CNTNAP2: variants seen among roughly 807,000 people sequenced by gnomAD.
The protein encoded by CNTNAP2 is contactin-associated protein-like 2.
Under a neutral mutation model 155.2 loss-of-function variants are expected in CNTNAP2, and 98 were observed. That is an observed-to-expected ratio of 0.63 (90% CI 0.54 to 0.75). The LOEUF is 0.75. Ranked by LOEUF, CNTNAP2 falls within the 30% of genes least tolerant of loss-of-function variation. CNTNAP2 has a pLI of 0.00. For missense variants in CNTNAP2, 1,727 were observed against 1,688.1 expected (o/e 1.02, Z -0.40); for synonymous variants, 651 against 631.2 (o/e 1.03, Z -0.47).
At chr7:148,109,916 G>GACT (rs1804310311) in intron 15 of CNTNAP2, among the ~76,000 whole-genome samples, 1 of 152,136 alleles carries the variant, frequency 6.6e-6, no homozygotes, top group African/African-American at 2.4e-5. Flanking sequence ...CTGGACTAAT[G>GACT]ACCCTTGTCT....
At chr7:146,854,499 G>T (rs1007645217) in intron 3 of CNTNAP2, among the ~76,000 whole-genome samples, 1 of 152,140 alleles carries the variant, frequency 6.6e-6, no homozygotes. Context: ...TAGCTCTCTA[G>T]TACCAAAGAT....
chr7:146,790,232 CA>C (rs1563231735), intron 2 of CNTNAP2, among the ~76,000 whole-genome samples: 2 of 152,084 alleles, frequency 1.3e-5, no homozygotes, highest in African/African-American at 4.8e-5. Flanking sequence ...TTAAGACAAT[CA>C]TTGATGATGG....
chr7:148,081,491 C>T (rs1803602628), intron 15 of CNTNAP2, among the ~76,000 whole-genome samples: 1 of 152,026 alleles, frequency 6.6e-6, no homozygotes, highest in African/African-American at 2.4e-5. Flanking sequence ...GGCCTAGCCT[C>T]CCAGCCTACC....
intron 22 of CNTNAP2, among the ~76,000 whole-genome samples, chr7:148,398,266 AG>A (rs1158898099): frequency 3.3e-5 from 5 of 152,210 alleles, no homozygotes; most frequent in African/African-American, 1.2e-4. Context: ...TGAAAACTTA[AG>A]AATAAAAAGG....
At chr7:147,575,278 G>A (rs191242205) in intron 12 of CNTNAP2, among the ~76,000 whole-genome samples, 11 of 138,568 alleles carry the variant, frequency 7.9e-5, no homozygotes, top group East Asian at 4.5e-4. Flanking sequence ...TTAGGAGTAC[G>A]CATATGTGTG....
At chr7:146,653,611 T>C (rs1799950753) in intron 1 of CNTNAP2, among the ~76,000 whole-genome samples, 1 of 152,210 alleles carries the variant, frequency 6.6e-6, no homozygotes, top group Non-Finnish European at 1.5e-5. Context: ...CATAGTTGAA[T>C]GCTAATATGA....
chr7:147,443,490 T>G (rs1344167849), intron 10 of CNTNAP2, among the ~76,000 whole-genome samples: 1 of 152,128 alleles, frequency 6.6e-6, no homozygotes, highest in Non-Finnish European at 1.5e-5. Flanking sequence ...ACTCTTTCAA[T>G]AATAGGAAGT....
At chr7:146,952,014 G>A (rs547420465) in intron 3 of CNTNAP2, among the ~76,000 whole-genome samples, 121 of 151,988 alleles carry the variant, frequency 8.0e-4, no homozygotes, top group African/African-American at 2.8e-3. Context: ...GATGAACATC[G>A]ACACAAAAAT....
intron 9 of CNTNAP2, among the ~76,000 whole-genome samples, chr7:147,389,792 C>A (rs1796678282): frequency 6.6e-6 from 1 of 152,126 alleles, no homozygotes; most frequent in Non-Finnish European, 1.5e-5. Flanking sequence ...TACAATGACC[C>A]ATGTATAGAC....
intron 13 of CNTNAP2, among the ~76,000 whole-genome samples, chr7:147,740,869 A>T (rs1385358914): frequency 6.6e-6 from 1 of 152,168 alleles, no homozygotes; most frequent in Non-Finnish European, 1.5e-5. Flanking sequence ...AGCAAGAGGG[A>T]GGGCCCAGGC....
intron 21 of CNTNAP2, among the ~76,000 whole-genome samples, chr7:148,358,682 G>C (rs552948195): frequency 2.0e-5 from 3 of 152,136 alleles, no homozygotes; most frequent in Non-Finnish European, 4.4e-5. Flanking sequence ...GCTTTCAAGC[G>C]CGTAATCAGG....
chr7:146,600,956 A>G (rs1383642207), intron 1 of CNTNAP2, among the ~76,000 whole-genome samples: 1 of 152,060 alleles, frequency 6.6e-6, no homozygotes, highest in African/African-American at 2.4e-5. Context: ...TGAATAATGA[A>G]CTCCCTCTTG....
At chr7:147,061,866 G>C (rs2129262577) in intron 4 of CNTNAP2, among the ~76,000 whole-genome samples, 1 of 152,206 alleles carries the variant, frequency 6.6e-6, no homozygotes. Flanking sequence ...CGGGCACGGT[G>C]GCTCACGCCT....
At chr7:148,414,982 G>A (rs969616262) in intron 23 of CNTNAP2, 11 of 279,230 alleles carry the variant, frequency 3.9e-5, no homozygotes, top group African/African-American at 1.7e-4. Context: ...TCTCTCGCGC[G>A]CCCACTCTAT....
At chr7:146,550,945 C>A (rs376649593) in intron 1 of CNTNAP2, among the ~76,000 whole-genome samples, 5 of 151,882 alleles carry the variant, frequency 3.3e-5, no homozygotes, top group African/African-American at 1.2e-4. Flanking sequence ...GGTTTATAAG[C>A]AGGAGGGAAA....
chr7:147,025,172 G>T (rs1291584052), intron 3 of CNTNAP2, among the ~76,000 whole-genome samples: 1 of 148,650 alleles, frequency 6.7e-6, no homozygotes, highest in Non-Finnish European at 1.5e-5. Flanking sequence ...TGTAATCTCA[G>T]CTACTCCAGA....
chr7:147,492,753 C>T (rs1798632212), intron 11 of CNTNAP2, among the ~76,000 whole-genome samples: 1 of 152,174 alleles, frequency 6.6e-6, no homozygotes, highest in Non-Finnish European at 1.5e-5. Context: ...GGATTTCACT[C>T]ATACTTATAG....
At chr7:146,379,626 C>T (rs1392978336) in intron 1 of CNTNAP2, among the ~76,000 whole-genome samples, 1 of 152,078 alleles carries the variant, frequency 6.6e-6, no homozygotes, top group African/African-American at 2.4e-5. Flanking sequence ...TTCACTCTTC[C>T]TGTGTTAGGA....
chr7:148,286,850 C>T (rs548680896), intron 21 of CNTNAP2, among the ~76,000 whole-genome samples: 24 of 152,194 alleles, frequency 1.6e-4, no homozygotes, highest in African/African-American at 5.5e-4. Flanking sequence ...TTTCCATATA[C>T]TCCCTCACCC....
Sources: gnomAD v4.1 joint callset for allele counts (sites outside exome capture counted in the v4.1 genomes callset) on GRCh38, gnomAD v4.1.1 for gene constraint, MANE v1.5 for transcripts, NCBI Gene and HGNC (gene_info 2026-07-23, HGNC 2026-07-21) for gene names.